Variants in LRRC61 observed in about 807,000 individuals in gnomAD.
LRRC61 encodes leucine-rich repeat-containing protein 61.
Under a neutral mutation model 15.1 loss-of-function variants are expected in LRRC61, and 9 were observed. The ratio of observed to expected loss-of-function variants is 0.60; its 90% CI spans 0.36 to 1.04. LRRC61 has a LOEUF of 1.04. Among genes scored for constraint, LRRC61 ranks in the 50% least tolerant of loss-of-function variants. The pLI, the probability that LRRC61 is intolerant of heterozygous loss-of-function variation, is 0.01. For missense variants in LRRC61, 344 were observed against 335.6 expected (o/e 1.03, Z -0.20); for synonymous variants, 173 against 158.6 (o/e 1.09, Z -0.68).
chr7:150,332,966 A>G (rs1002338343), intron 2 of LRRC61, among the ~76,000 whole-genome samples: 1 of 152,092 alleles, frequency 6.6e-6, no homozygotes. Flanking sequence ...CCTGACTCAC[A>G]TGTCGGGGCG....
In LRRC61 at chr7:150,330,181, T is replaced by G. The variant is rs1303360945; in HGVS notation, c.-145+4171T>G. On this transcript the variant is annotated intron_variant, in intron 2 of 2. Coordinates refer to ENST00000359623, the MANE Select transcript of LRRC61 (RefSeq NM_001142928.2). The surrounding 1 kb of genome is among the most constrained non-coding windows in gnomAD (Gnocchi z 4.6). ...GGCTCTGTGGAGGCCCAGGGACTCC[T>G]CACCCAGCTCCAGCGCCAGCGCAGC... The G allele has an allele frequency of 8.5e-6, 5 of 586,206 alleles. No individual in the cohort carries two copies. The highest frequency in any genetic ancestry group is 1.5e-5 in the Non-Finnish European group (5 of 329,472). The allele number at this position is 586,206 out of a possible 1,614,324, so 36.3% of individuals were successfully genotyped here. A position where few individuals can be genotyped will look rare whatever the true frequency, so the allele number is the denominator to read the frequency against.
At chr7:150,336,279 G>C (rs1262966347) in intron 2 of LRRC61, among the ~76,000 whole-genome samples, 1 of 152,362 alleles carries the variant, frequency 6.6e-6, no homozygotes, top group East Asian at 1.9e-4. Context: ...GCTCTCGTTT[G>C]CATTGCATAT....
the LRRC61 span, among the ~76,000 whole-genome samples, chr7:150,314,446 C>A: frequency 3.9e-5 from 6 of 152,030 alleles, no homozygotes; most frequent in African/African-American, 1.5e-4. Context: ...TACTGATTGG[C>A]TCAGAAGAAG....
In LRRC61 at chr7:150,330,714, G is replaced by A. The variant is rs374205555; in HGVS notation, c.-145+4704G>A. ...CATTGACCACTGGAAGCAAGTCCTC[G>A]TGTACAAGGTGAAGGAGATTAGAGT... On this transcript the variant is annotated intron_variant, in intron 2 of 2. Transcript: ENST00000359623. This position sits in a 1 kb window ranked among gnomAD's most constrained non-coding sequence, Gnocchi z 4.6. The A allele has an allele frequency of 2.5e-5, 39 of 1,570,340 alleles. No homozygotes were observed. In the East Asian group the frequency reaches 5.1e-4, roughly 21 times the overall value.
chr7:150,337,949 C>T lies in LRRC61; in HGVS notation c.*308C>T, dbSNP rs1236761783. 4.2e-6 allele frequency: 2 copies of T among 472,372 alleles called. No individual in the cohort carries two copies. The highest frequency in any genetic ancestry group is 4.2e-5 in the East Asian group (1 of 23,692). 29.3% of individuals were successfully genotyped at this position (472,372 alleles called of 1,614,324 possible). ...AATTACTTCCTCCTGAGGCTACAGGCGAGAAAGGTAGGGATGGGCCAGCCT... is the reference window on the plus strand; with the variant it reads ...AATTACTTCCTCCTGAGGCTACAGGTGAGAAAGGTAGGGATGGGCCAGCCT... On this transcript the variant is annotated 3_prime_UTR_variant, in exon 3 of 3. Coordinates refer to ENST00000359623, the MANE Select transcript of LRRC61 (RefSeq NM_001142928.2).
rs746599904 is a variant in LRRC61 at position 150,330,465 on chromosome 7, C to T, written c.-145+4455C>T. The T allele has an allele frequency of 9.0e-6, 7 of 778,978 alleles. No individual in the cohort carries two copies. Among genetic ancestry groups the T allele is most frequent in the African/African-American group, 1.7e-5 (1 of 59,166 alleles). The allele number at this position is 778,978 out of a possible 1,614,324, so 48.3% of individuals were successfully genotyped here. A position where few individuals can be genotyped will look rare whatever the true frequency, so the allele number is the denominator to read the frequency against. ...TCTGAGCCAGGTGCTGCCCCAGCTG[C>T]GCTACCTGCACATCTTCCTGGAGCA... On this transcript the variant is annotated intron_variant, in intron 2 of 2. Transcript: ENST00000359623. The surrounding 1 kb of genome is among the most constrained non-coding windows in gnomAD (Gnocchi z 4.6).
chr7:150,318,695 G>A (rs748716943), upstream of LRRC61, among the ~76,000 whole-genome samples: 2 of 152,264 alleles, frequency 1.3e-5, no homozygotes, highest in East Asian at 1.9e-4. Context: ...CCGAAGAGCC[G>A]AGATCGCACC....
chr7:150,337,831 G>A lies in LRRC61; in HGVS notation c.*190G>A, dbSNP rs1798361039. On this transcript the variant is annotated 3_prime_UTR_variant, in exon 3 of 3. Coordinates refer to ENST00000359623, the MANE Select transcript of LRRC61 (RefSeq NM_001142928.2). The stretch of plus-strand genomic sequence containing the variant: ...ACATGCTGCAAGGACAGACTGAAGG[G>A]CTGTGAGCAGGTGTAAGGGCTCCCA... 3.0e-6 allele frequency: 2 copies of A among 663,006 alleles called. No homozygotes were observed. Among genetic ancestry groups the A allele is most frequent in the South Asian group, 2.4e-5 (1 of 41,632 alleles). The allele number at this position is 663,006 out of a possible 1,614,324, so 41.1% of individuals were successfully genotyped here. A position where few individuals can be genotyped will look rare whatever the true frequency, so the allele number is the denominator to read the frequency against.
In LRRC61 at chr7:150,336,935, C is replaced by T; in HGVS notation, c.74C>T (p.Thr25Ile). ...QITPQLLKSR[T>I]GEFSLESILL... Reference sequence around the variant, plus strand: ...ACACCCCAGCTGCTGAAGTCACGCACAGGCGAGTTCTCCCTGGAGTCCATC... The same window carrying T: ...ACACCCCAGCTGCTGAAGTCACGCATAGGCGAGTTCTCCCTGGAGTCCATC... Residue 25 changes from threonine to isoleucine, a missense_variant, in exon 3 of 3, where the codon ACA becomes ATA. Thr to Ile is a moderately conservative substitution (Grantham distance 89, BLOSUM62 -1). Coordinates refer to ENST00000359623, the MANE Select transcript of LRRC61 (RefSeq NM_001142928.2). 1 of 1,613,910 alleles carries T rather than the reference C, an allele frequency of 6.2e-7. No individual in the cohort carries two copies. Among genetic ancestry groups the T allele is most frequent in the Non-Finnish European group, 8.5e-7 (1 of 1,180,038 alleles).
In LRRC61 at chr7:150,335,043, A is replaced by G. The variant is rs867425889; in HGVS notation, c.-144-1675A>G. Among the ~76,000 whole-genome samples, 112 of 151,716 alleles carry G rather than the reference A, an allele frequency of 7.4e-4. No individual in the cohort carries two copies. The highest frequency in any genetic ancestry group is 3.5e-3 in the Middle Eastern group (1 of 288). The stretch of plus-strand genomic sequence containing the variant: ...GAAACTCTGTCTCAAAAAAAAAAAA[A>G]AAAAAGAAAAAAAGGAGCCCCTGGC... On this transcript the variant is annotated intron_variant, in intron 2 of 2. Coordinates refer to ENST00000359623, the MANE Select transcript of LRRC61 (RefSeq NM_001142928.2). This position sits in a 1 kb window ranked among gnomAD's most constrained non-coding sequence, Gnocchi z 4.3.
chr7:150,337,571 C>T lies in LRRC61; in HGVS notation c.710C>T (p.Ala237Val). The T allele has an allele frequency of 6.3e-7, 1 of 1,586,300 alleles. No individual in the cohort carries two copies. The highest frequency in any genetic ancestry group is 8.6e-7 in the Non-Finnish European group (1 of 1,167,190). Reference protein sequence around the residue: ...LQECWDLDRQASDSLAQAEQV... With the variant: ...LQECWDLDRQVSDSLAQAEQV... The stretch of plus-strand genomic sequence containing the variant: ...GAGTGCTGGGACCTGGACCGCCAGG[C>T]CAGCGACAGCCTGGCCCAGGCGGAG... Residue 237 changes from alanine to valine, a missense_variant, in exon 3 of 3, where the codon GCC (alanine) becomes GTC (valine). Physicochemically the swap from Ala to Val is moderately conservative, Grantham distance 64. Transcript: ENST00000359623.
At chr7:150,312,232 CT>C in the LRRC61 span, among the ~76,000 whole-genome samples, 1 of 152,230 alleles carries the variant, frequency 6.6e-6, no homozygotes, top group East Asian at 1.9e-4. Flanking sequence ...CTCTACCAGT[CT>C]TTTCCAACTC....
chr7:150,322,305 A>G (rs1224415166), upstream of LRRC61, among the ~76,000 whole-genome samples: 1 of 152,248 alleles, frequency 6.6e-6, no homozygotes, highest in Admixed American at 6.5e-5. Flanking sequence ...TCTAAGTCAC[A>G]GGATGAGACA....
Position 150,323,438 on chromosome 7 carries a change from AGGCGGCG to A in LRRC61, c.-427_-421del. The A allele has an allele frequency of 2.9e-6, 1 of 346,558 alleles. No homozygotes were observed. Among genetic ancestry groups the A allele is most frequent in the Non-Finnish European group, 5.5e-6 (1 of 182,850 alleles). 21.5% of individuals were successfully genotyped at this position (346,558 alleles called of 1,614,324 possible). ...CGCGGCCCAGGGGTCAGGGGCCGCC[AGGCGGCG>A]GGCGGCGGGGCTGCGGCTCTTACCT... On this transcript the variant is annotated 5_prime_UTR_variant, in exon 1 of 3. Transcript: ENST00000359623.
At chr7:150,309,869 C>T in the LRRC61 span, among the ~76,000 whole-genome samples, 52 of 152,272 alleles carry the variant, frequency 3.4e-4, no homozygotes, top group South Asian at 1.7e-3. Flanking sequence ...CCATCATGGA[C>T]GCCGAGCTTC....
chr7:150,324,458 A>G (rs1243514712), intron 1 of LRRC61: 1 of 152,316 alleles, frequency 6.6e-6, no homozygotes, highest in Non-Finnish European at 1.5e-5. Context: ...TTCTTGAGCC[A>G]GTGTGCGGAG....
At chr7:150,313,430 G>A in the LRRC61 span, among the ~76,000 whole-genome samples, 2 of 152,204 alleles carry the variant, frequency 1.3e-5, no homozygotes, top group African/African-American at 4.8e-5. Flanking sequence ...AAATGTCTGG[G>A]TTATGATGAT....
rs1420108315 is a variant in LRRC61 at position 150,330,201 on chromosome 7, C to T, written c.-145+4191C>T. 7 of 591,692 alleles carry T rather than the reference C, an allele frequency of 1.2e-5. No homozygotes were observed. The Admixed American group carries it at 1.5e-4, about 13-fold the overall frequency. 36.7% of individuals were successfully genotyped at this position (591,692 alleles called of 1,614,324 possible). A position where few individuals can be genotyped will look rare whatever the true frequency, so the allele number is the denominator to read the frequency against. On this transcript the variant is annotated intron_variant, in intron 2 of 2. Transcript: ENST00000359623. The surrounding 1 kb of genome is among the most constrained non-coding windows in gnomAD (Gnocchi z 4.6). ...ACTCCTCACCCAGCTCCAGCGCCAG[C>T]GCAGCCTCCTAGCCCACCAGCCCTT...
chr7:150,337,158 G>T lies in LRRC61; in HGVS notation c.297G>T (p.Leu99Phe). 2 of 1,610,746 alleles carry T rather than the reference G, an allele frequency of 1.2e-6. No individual in the cohort carries two copies. Among genetic ancestry groups the T allele is most frequent in the Non-Finnish European group, 1.7e-6 (2 of 1,179,996 alleles). Residue 99 changes from leucine (L) to phenylalanine (F), a missense_variant, in exon 3 of 3, where the codon TTG becomes TTT. Coordinates refer to ENST00000359623, the MANE Select transcript of LRRC61 (RefSeq NM_001142928.2). ...AGCCACTGGCCACCTGTGAGAACTT[G>T]CAGAGTCTCAATGCCGCAGGCAACC... The part of the protein sequence containing the change: ...GLEPLATCEN[L>F]QSLNAAGNLL...
Sources: gnomAD v4.1 joint callset for allele counts (sites outside exome capture counted in the v4.1 genomes callset) on GRCh38, gnomAD v4.1.1 for gene constraint, Gnocchi (gnomAD v3.1) non-coding constraint, MANE v1.5 for transcripts, NCBI Gene and HGNC (gene_info 2026-07-23, HGNC 2026-07-21) for gene names.